Variants in PRRC1 observed in about 807,000 individuals in gnomAD.
The protein encoded by PRRC1 is proline rich coiled-coil 1.
In PRRC1, 39 loss-of-function variants were observed where a neutral mutation model predicts 40.7. The ratio of observed to expected loss-of-function variants is 0.96; its 90% CI spans 0.74 to 1.25. The LOEUF (loss-of-function observed/expected upper bound fraction) is 1.25, where lower values mean the gene tolerates loss of function less well. Ranked by LOEUF, PRRC1 falls within the 50% of genes most tolerant of loss-of-function variation. The pLI, the probability that PRRC1 is intolerant of heterozygous loss-of-function variation, is 0.00. For synonymous variants in PRRC1, 175 were observed against 193.3 expected, an observed-to-expected ratio of 0.91 and a Z score of 0.79; for missense variants, 573 against 548.3, an observed-to-expected ratio of 1.05 and a Z score of -0.45.
chr5:127,551,254 G>T (rs1192245389), intron 8 of PRRC1: 1 of 179,004 alleles, frequency 5.6e-6, no homozygotes, highest in Admixed American at 5.5e-5. Flanking sequence ...GTCCAGGACT[G>T]GATATTACTT....
At chr5:127,542,123 T>C (rs373725883) in intron 7 of PRRC1, among the ~76,000 whole-genome samples, 8 of 152,122 alleles carry the variant, frequency 5.3e-5, no homozygotes, top group African/African-American at 9.7e-5. Flanking sequence ...GCCTTCATTT[T>C]GTTATGTACC....
intron 4 of PRRC1, 56 bp from the exon 5 acceptor site, chr5:127,530,238 G>A: frequency 2.0e-6 from 3 of 1,479,716 alleles, no homozygotes; most frequent in Non-Finnish European, 2.8e-6. Context: ...CAATCATGAA[G>A]ATCATGGTGT....
intron 1 of PRRC1, among the ~76,000 whole-genome samples, chr5:127,522,767 A>T (rs181578452): frequency 2.0e-5 from 3 of 151,830 alleles, no homozygotes; most frequent in African/African-American, 7.2e-5. Context: ...TCAAAAATAC[A>T]TTAAATATTT....
At chr5:127,535,085 T>TA (rs1217463563) in intron 6 of PRRC1, among the ~76,000 whole-genome samples, 1 of 139,924 alleles carries the variant, frequency 7.1e-6, no homozygotes, top group Non-Finnish European at 1.6e-5. Context: ...CCAGGGGAGA[T>TA]ACGATGGTTA....
chr5:127,523,417 T>C, intron 1 of PRRC1, 43 bp from the exon 2 acceptor site: 1 of 900,820 alleles, frequency 1.1e-6, no homozygotes, highest in African/African-American at 1.7e-5. Flanking sequence ...AAATATACTT[T>C]TGGTTACTGT....
chr5:127,535,278 C>G (rs1394336826), intron 6 of PRRC1, among the ~76,000 whole-genome samples: 1 of 152,178 alleles, frequency 6.6e-6, no homozygotes, highest in Non-Finnish European at 1.5e-5. Context: ...TTAACACACT[C>G]GTTTTCTCAT....
chr5:127,539,556 CATAAT>C (rs1320190506), intron 7 of PRRC1, among the ~76,000 whole-genome samples: 3 of 151,990 alleles, frequency 2.0e-5, no homozygotes, highest in Non-Finnish European at 4.4e-5. Context: ...CTCCTGTACT[CATAAT>C]AGTTTAGAAA....
intron 7 of PRRC1, among the ~76,000 whole-genome samples, chr5:127,540,891 G>T (rs1768025966): frequency 6.6e-6 from 1 of 151,998 alleles, no homozygotes; most frequent in South Asian, 2.1e-4. Flanking sequence ...CATTTTGTAG[G>T]TTGCCTGTTC....
chr5:127,520,681 G>C (rs969627942), intron 1 of PRRC1, among the ~76,000 whole-genome samples: 1 of 152,218 alleles, frequency 6.6e-6, no homozygotes, highest in African/African-American at 2.4e-5. Context: ...GGAACAACAT[G>C]AGGAAGTTTC....
At chr5:127,519,445 T>G (rs143690955) in intron 1 of PRRC1, among the ~76,000 whole-genome samples, 143 of 152,340 alleles carry the variant, frequency 9.4e-4, no homozygotes, top group African/African-American at 3.4e-3. Flanking sequence ...ACTCTTTATA[T>G]GAAAACCGTT....
chr5:127,535,351 G>T (rs1423460609), intron 6 of PRRC1, among the ~76,000 whole-genome samples: 1 of 152,010 alleles, frequency 6.6e-6, no homozygotes, highest in Non-Finnish European at 1.5e-5. Flanking sequence ...TACACTTGGG[G>T]GCCATTTGAA....
Position 127,551,988 on chromosome 5 carries a change from C to T in PRRC1, c.*72C>T, listed in dbSNP as rs1258333823. On this transcript the variant is annotated 3_prime_UTR_variant, in exon 9 of 9. Transcript: ENST00000296666. ...GATGTTAAAGAAGTGGTTGTACCTT[C>T]CTAAATCGAATAGTCTAAATGAATC... 10 of 1,593,498 alleles carry T rather than the reference C, an allele frequency of 6.3e-6. No homozygotes were observed. Among genetic ancestry groups the T allele is most frequent in the Non-Finnish European group, 6.8e-6 (8 of 1,169,012 alleles).
intron 1 of PRRC1, among the ~76,000 whole-genome samples, chr5:127,518,221 A>G (rs1470369178): frequency 6.6e-6 from 1 of 152,180 alleles, no homozygotes. Flanking sequence ...CTCCTGAAAC[A>G]GGATTTCGGC....
chr5:127,538,940 G>T, intron 6 of PRRC1, 100 bp from the exon 7 acceptor site: 1 of 763,384 alleles, frequency 1.3e-6, no homozygotes, highest in Non-Finnish European at 2.1e-6. Context: ...ATATATATGT[G>T]TTTGCATATA....
intron 6 of PRRC1, 26 bp downstream of exon 6, chr5:127,533,812 G>T: frequency 6.2e-7 from 1 of 1,611,524 alleles, no homozygotes; most frequent in Non-Finnish European, 8.5e-7. Flanking sequence ...CCATTTTCAG[G>T]ACATGGAAAC....
chr5:127,536,522 G>T (rs536659866), intron 6 of PRRC1, among the ~76,000 whole-genome samples: 127 of 152,134 alleles, frequency 8.3e-4, no homozygotes, highest in Non-Finnish European at 1.5e-3. Context: ...GACTTTTCAA[G>T]ATTTAGTTGC....
intron 8 of PRRC1, chr5:127,550,146 A>G (rs766127067): frequency 6.6e-5 from 10 of 152,084 alleles, no homozygotes; most frequent in Non-Finnish European, 1.5e-4. Context: ...CAAACTGTTA[A>G]TAGTGGTTAA....
Position 127,551,984 on chromosome 5 carries a change from C to T in PRRC1, c.*68C>T, listed in dbSNP as rs1768402521. The stretch of plus-strand genomic sequence containing the variant: ...GCTTGATGTTAAAGAAGTGGTTGTA[C>T]CTTCCTAAATCGAATAGTCTAAATG... On this transcript the variant is annotated 3_prime_UTR_variant, in exon 9 of 9. Transcript: ENST00000296666. 2 of 1,599,870 alleles carry T rather than the reference C, an allele frequency of 1.3e-6. No homozygotes were observed. Among genetic ancestry groups the T allele is most frequent in the South Asian group, 2.2e-5 (2 of 89,262 alleles).
Position 127,552,305 on chromosome 5 carries a change from C to T in PRRC1, c.*389C>T, listed in dbSNP as rs530261640. 1.9e-5 allele frequency: 20 copies of T among 1,030,908 alleles called. No homozygotes were observed. The Middle Eastern group carries it at 1.4e-3, about 74-fold the overall frequency. 63.9% of individuals were successfully genotyped at this position (1,030,908 alleles called of 1,614,324 possible). On this transcript the variant is annotated 3_prime_UTR_variant, in exon 9 of 9. Coordinates refer to ENST00000296666, the MANE Select transcript of PRRC1 (RefSeq NM_130809.5). ...CATGTTGGTTGAATGTTTATAAAAG[C>T]ATGATTTGCTTTGGCTTCATCTCTT...
Sources: allele counts gnomAD v4.1 joint callset (sites outside exome capture counted in the v4.1 genomes callset), GRCh38; gene constraint gnomAD v4.1.1; transcripts MANE v1.5; gene names NCBI Gene and HGNC (gene_info 2026-07-23, HGNC 2026-07-21).